The following RGS6 variants were observed in gnomAD, a reference collection of about 807,000 sequenced individuals.
RGS6 encodes the protein regulator of G-protein signaling 6.
RGS6 carries 30 observed loss-of-function variants against 78.5 expected under a neutral mutation model. The ratio of observed to expected loss-of-function variants is 0.38; its 90% CI spans 0.29 to 0.52. The LOEUF (loss-of-function observed/expected upper bound fraction) is 0.52. Ranked by LOEUF, RGS6 falls within the 20% of genes least tolerant of loss-of-function variation. The pLI is 0.85. For missense variants in RGS6, 495 were observed against 609.7 expected (o/e 0.81, Z 1.98); for synonymous variants, 206 against 206.0 (o/e 1.00, Z 0.00).
intron 12 of RGS6, among the ~76,000 whole-genome samples, chr14:72,490,108 G>T (rs566219284): frequency 6.6e-6 from 1 of 152,086 alleles, no homozygotes; most frequent in African/African-American, 2.4e-5. Context: ...CCCAGATCTC[G>T]TCTTGAATTC....
chr14:71,948,322 T>C (rs2091834234), intron 1 of RGS6, among the ~76,000 whole-genome samples: 1 of 152,200 alleles, frequency 6.6e-6, no homozygotes, highest in African/African-American at 2.4e-5. Flanking sequence ...TGTCTGATAA[T>C]GAGGCATACT....
intron 2 of RGS6, among the ~76,000 whole-genome samples, chr14:72,206,444 T>C (rs2042725434): frequency 6.6e-6 from 1 of 152,186 alleles, no homozygotes; most frequent in Non-Finnish European, 1.5e-5. Flanking sequence ...ATTATATATA[T>C]AATTTCTGTG....
chr14:72,262,016 C>G (rs2058254553), intron 2 of RGS6, among the ~76,000 whole-genome samples: 1 of 151,806 alleles, frequency 6.6e-6, no homozygotes. Context: ...AATATGAAGA[C>G]ATTAACCTAC....
chr14:72,191,710 G>T (rs377528481), intron 2 of RGS6, among the ~76,000 whole-genome samples: 19 of 152,296 alleles, frequency 1.2e-4, no homozygotes, highest in Admixed American at 7.2e-4. Flanking sequence ...GGAATTATGG[G>T]AACTACAGTT....
At chr14:72,542,154 T>G (rs183987954) in intron 17 of RGS6, among the ~76,000 whole-genome samples, 1 of 152,198 alleles carries the variant, frequency 6.6e-6, no homozygotes, top group Admixed American at 6.5e-5. Context: ...AACAAGAAAC[T>G]CTAACAGGTG....
At chr14:72,397,013 G>A (rs2091456325) in intron 3 of RGS6, among the ~76,000 whole-genome samples, 1 of 152,230 alleles carries the variant, frequency 6.6e-6, no homozygotes, top group Non-Finnish European at 1.5e-5. Context: ...GCTTAGGATT[G>A]ACTTGGCAAT....
rs79663865 is a variant in RGS6 at position 72,541,253 on chromosome 14, T to C, written c.1422+1159T>C. ...CTGTGTGACTGGTATACGTATTTCA[T>C]CCTTTTAAGAAAAAGTCTAAGGCTC... On this transcript the variant is annotated intron_variant, in intron 17 of 17. Coordinates refer to ENST00000553525, the MANE Select transcript of RGS6 (RefSeq NM_001204424.2). The C allele has an allele frequency of 1.2e-3, 1,745 of 1,452,068 alleles. 7 individuals carry two copies. The highest frequency in any genetic ancestry group is 7.0e-3 in the Middle Eastern group (39 of 5,580). The allele number at this position is 1,452,068 out of a possible 1,614,324, so 89.9% of individuals were successfully genotyped here. A position where few individuals can be genotyped will look rare whatever the true frequency, so the allele number is the denominator to read the frequency against.
chr14:72,438,499 C>T (rs890559124), intron 3 of RGS6, among the ~76,000 whole-genome samples: 3 of 152,162 alleles, frequency 2.0e-5, no homozygotes, highest in Admixed American at 1.3e-4. Flanking sequence ...GTGTCCTCCC[C>T]ATCCTGTTTT....
chr14:72,142,769 G>A (rs867067223), intron 2 of RGS6, among the ~76,000 whole-genome samples: 1 of 152,098 alleles, frequency 6.6e-6, no homozygotes, highest in Non-Finnish European at 1.5e-5. Context: ...TCCTTTCTTT[G>A]TTTACACAGG....
At chr14:72,306,950 T>C (rs1224249370) in intron 2 of RGS6, among the ~76,000 whole-genome samples, 2 of 152,240 alleles carry the variant, frequency 1.3e-5, no homozygotes, top group Non-Finnish European at 2.9e-5. Flanking sequence ...GGTAAAATGC[T>C]ACCAAACAGC....
At chr14:72,112,816 A>AC (rs1264528265) in intron 2 of RGS6, among the ~76,000 whole-genome samples, 3 of 151,916 alleles carry the variant, frequency 2.0e-5, no homozygotes, top group South Asian at 2.1e-4. Context: ...TCTGACTGAG[A>AC]CCCCCCAATG....
At chr14:72,037,673 AT>A (rs1185634873) in intron 2 of RGS6, among the ~76,000 whole-genome samples, 1 of 151,012 alleles carries the variant, frequency 6.6e-6, no homozygotes, top group Non-Finnish European at 1.5e-5. Flanking sequence ...GCCTCTGCAA[AT>A]TTATCAAAAA....
At position 72,324,373 on chromosome 14, in the gene RGS6, T is replaced by A. The variant is rs77953671; in HGVS notation, c.85-27722T>A. 9.2e-3 allele frequency among the ~76,000 whole-genome samples: 1,398 copies of A among 152,270 alleles called. 11 individuals are homozygous for A. Among genetic ancestry groups the A allele is most frequent in the South Asian group, 0.023 (112 of 4,824 alleles). ...TTTACAAAGGACTATTCTTTTTTTT[T>A]TAATTTAAGTTCTAGGGTACATGTG... On this transcript the variant is annotated intron_variant, in intron 2 of 17. Transcript: ENST00000553525.
At chr14:72,625,341 AT>A in the RGS6 span, among the ~76,000 whole-genome samples, 1 of 151,968 alleles carries the variant, frequency 6.6e-6, no homozygotes, top group East Asian at 1.9e-4. Flanking sequence ...TAATGTCATT[AT>A]TTTTTTGCTC....
intron 4 of RGS6, among the ~76,000 whole-genome samples, chr14:72,455,154 G>GT (rs1277264891): frequency 1.3e-5 from 2 of 151,524 alleles, no homozygotes; most frequent in East Asian, 3.9e-4. Flanking sequence ...TTAGGAAATG[G>GT]GGGGGGTGTT....
At chr14:72,548,449 T>G (rs1405013359) in intron 17 of RGS6, among the ~76,000 whole-genome samples, 1 of 152,094 alleles carries the variant, frequency 6.6e-6, no homozygotes. Flanking sequence ...AAAAAATTTC[T>G]TGGGTTGTAA....
chr14:72,092,036 G>A (rs1162878536), intron 2 of RGS6, among the ~76,000 whole-genome samples: 2 of 102,722 alleles, frequency 1.9e-5, no homozygotes, highest in African/African-American at 7.4e-5. Flanking sequence ...GTTTTGTTTT[G>A]TTTTTGAGAC....
chr14:72,470,445 AGGT>A (rs542800877), intron 8 of RGS6, among the ~76,000 whole-genome samples: 81 of 152,376 alleles, frequency 5.3e-4, no homozygotes, highest in African/African-American at 1.9e-3. Flanking sequence ...ATGGGAAAAC[AGGT>A]TGGAGTTTTA....
At chr14:72,590,257 T>TA in the RGS6 span, among the ~76,000 whole-genome samples, 2 of 152,236 alleles carry the variant, frequency 1.3e-5, no homozygotes, top group Non-Finnish European at 2.9e-5. Flanking sequence ...AACAGCCTCT[T>TA]ACCACATAAC....
Sources: allele counts gnomAD v4.1 joint callset (sites outside exome capture counted in the v4.1 genomes callset), GRCh38; gene constraint gnomAD v4.1.1; transcripts MANE v1.5; gene names NCBI Gene and HGNC (gene_info 2026-07-23, HGNC 2026-07-21).